Variants in PLCH1 observed in about 807,000 individuals in gnomAD.
The protein encoded by PLCH1 is 1-phosphatidylinositol 4,5-bisphosphate phosphodiesterase eta-1.
PLCH1 carries 60 observed loss-of-function variants against 126.7 expected under a neutral mutation model. The ratio of observed to expected loss-of-function variants is 0.47; its 90% CI spans 0.38 to 0.59. The LOEUF (loss-of-function observed/expected upper bound fraction) is 0.59. Among genes scored for constraint, PLCH1 ranks in the 20% least tolerant of loss-of-function variants. The pLI is 0.00. For missense variants in PLCH1, 1,723 were observed against 2,040.0 expected, an observed-to-expected ratio of 0.84 and a Z score of 2.99; for synonymous variants, 719 against 734.9, an observed-to-expected ratio of 0.98 and a Z score of 0.35.
At chr3:155,546,465 A>G (rs937543115) in intron 10 of PLCH1, among the ~76,000 whole-genome samples, 2 of 152,118 alleles carry the variant, frequency 1.3e-5, no homozygotes, top group Non-Finnish European at 2.9e-5. Context: ...CATACTGCCC[A>G]AGGTAATTTA....
At chr3:155,696,084 G>A (rs1577333418) in intron 2 of PLCH1, among the ~76,000 whole-genome samples, 1 of 152,122 alleles carries the variant, frequency 6.6e-6, no homozygotes, top group African/African-American at 2.4e-5. Flanking sequence ...ACACACTTTT[G>A]GAGTTAGCAT....
intron 2 of PLCH1, among the ~76,000 whole-genome samples, chr3:155,624,018 C>A (rs1300874532): frequency 6.6e-6 from 1 of 152,164 alleles, no homozygotes; most frequent in South Asian, 2.1e-4. Flanking sequence ...ACTGGCAAAC[C>A]GAATCCAACA....
intron 1 of PLCH1, among the ~76,000 whole-genome samples, chr3:155,736,368 T>C (rs1267670007): frequency 6.6e-6 from 1 of 152,212 alleles, no homozygotes; most frequent in Non-Finnish European, 1.5e-5. Context: ...TTTCTCTTTT[T>C]CCATTTAAGA....
chr3:155,541,957 C>T lies in PLCH1; in HGVS notation c.1362+7830G>A, dbSNP rs183608737. ...GGTCTACAGCTCCCAGCATGAGCAA[C>T]GCAGAAGACCGGTGATTTCTGCACT... On this transcript the variant is annotated intron_variant, in intron 10 of 22. Coordinates refer to ENST00000460012, the MANE Select transcript of PLCH1 (RefSeq NM_014996.4). Among the ~76,000 whole-genome samples the T allele has an allele frequency of 1.6e-3, 242 of 152,302 alleles. 1 individual carries two copies. Among genetic ancestry groups the T allele is most frequent in the African/African-American group, 5.5e-3 (229 of 41,564 alleles).
intron 2 of PLCH1, among the ~76,000 whole-genome samples, chr3:155,597,188 A>T (rs1733087905): frequency 6.6e-6 from 1 of 152,170 alleles, no homozygotes; most frequent in Middle Eastern, 3.2e-3. Flanking sequence ...ATGGCCTGCC[A>T]ATCACCCCAG....
Position 155,504,625 on chromosome 3 carries a change from C to G in PLCH1, c.1634G>C (p.Ser545Thr). 2 of 1,593,150 alleles carry G rather than the reference C, an allele frequency of 1.3e-6. No homozygotes were observed. Among genetic ancestry groups the G allele is most frequent in the Middle Eastern group, 1.7e-4 (1 of 5,964 alleles). The part of the protein sequence containing the change: ...HEGLNAHLKQ[S>T]PDVKESGKKS... Reference sequence around the variant, plus strand: ...CTTTCCACTTTCCTTTACATCTGGACTCTGAATAAATAAAGGCATAATATA... The same window carrying G: ...CTTTCCACTTTCCTTTACATCTGGAGTCTGAATAAATAAAGGCATAATATA... Residue 545 changes from serine (S) to threonine (T), a missense_variant and splice_region_variant, in exon 13 of 23, where the codon AGT becomes ACT. Coordinates refer to ENST00000460012, the MANE Select transcript of PLCH1 (RefSeq NM_014996.4).
chr3:155,518,210 T>C (rs1435948498), intron 11 of PLCH1, among the ~76,000 whole-genome samples: 3 of 152,338 alleles, frequency 2.0e-5, no homozygotes, highest in Non-Finnish European at 2.9e-5. Flanking sequence ...TGGGCCATGA[T>C]TGACTGCAGG....
At chr3:155,535,232 T>C (rs1723194267) in intron 10 of PLCH1, among the ~76,000 whole-genome samples, 1 of 152,170 alleles carries the variant, frequency 6.6e-6, no homozygotes, top group Admixed American at 6.5e-5. Context: ...GAGATGAACT[T>C]TGTAATAATT....
intron 2 of PLCH1, among the ~76,000 whole-genome samples, chr3:155,690,954 C>T (rs1745333894): frequency 1.3e-5 from 2 of 152,130 alleles, no homozygotes; most frequent in African/African-American, 2.4e-5. Flanking sequence ...CAACTCTTAG[C>T]CCTCACCCCT....
intron 1 of PLCH1, among the ~76,000 whole-genome samples, chr3:155,728,893 C>T (rs1010706404): frequency 1.3e-5 from 2 of 152,130 alleles, no homozygotes; most frequent in African/African-American, 4.8e-5. Flanking sequence ...GGAACTCTAG[C>T]CCAATGTTAA....
intron 21 of PLCH1, among the ~76,000 whole-genome samples, chr3:155,451,263 G>T (rs920560945): frequency 6.9e-6 from 1 of 145,006 alleles, no homozygotes; most frequent in Non-Finnish European, 1.5e-5. Flanking sequence ...ATAGGTAAGG[G>T]TGTGATGAAA....
At chr3:155,544,875 C>T (rs1239638997) in intron 10 of PLCH1, among the ~76,000 whole-genome samples, 34 of 151,134 alleles carry the variant, frequency 2.2e-4, no homozygotes, top group Non-Finnish European at 3.5e-4. Flanking sequence ...ATCTCTGGGA[C>T]ACATTCAAAG....
intron 2 of PLCH1, among the ~76,000 whole-genome samples, chr3:155,643,582 A>G (rs1265812131): frequency 2.0e-5 from 3 of 152,218 alleles, no homozygotes; most frequent in African/African-American, 7.2e-5. Flanking sequence ...TTAACTTTTC[A>G]GAGTGCCTTG....
At chr3:155,631,661 G>A (rs945972766) in intron 2 of PLCH1, among the ~76,000 whole-genome samples, 4 of 152,118 alleles carry the variant, frequency 2.6e-5, no homozygotes, top group Admixed American at 2.6e-4. Flanking sequence ...TCCTCCCACA[G>A]AACAAGAACA....
At chr3:155,690,979 C>T (rs1294701880) in intron 2 of PLCH1, among the ~76,000 whole-genome samples, 1 of 152,174 alleles carries the variant, frequency 6.6e-6, no homozygotes, top group Non-Finnish European at 1.5e-5. Flanking sequence ...CCTCAGCCCC[C>T]TCCCCACACT....
chr3:155,451,743 T>A (rs960900463), intron 21 of PLCH1, among the ~76,000 whole-genome samples: 1 of 152,190 alleles, frequency 6.6e-6, no homozygotes, highest in African/African-American at 2.4e-5. Flanking sequence ...TGAGAAAGAA[T>A]GTTTTCTCTC....
intron 2 of PLCH1, among the ~76,000 whole-genome samples, chr3:155,625,414 G>T (rs186564269): frequency 1.3e-5 from 2 of 152,088 alleles, no homozygotes; most frequent in South Asian, 2.1e-4. Flanking sequence ...AAACAAAAGA[G>T]CTTCTACACA....
intron 2 of PLCH1, among the ~76,000 whole-genome samples, chr3:155,621,325 T>C (rs73005063): frequency 0.017 from 2,659 of 152,212 alleles, 78 homozygotes; most frequent in African/African-American, 0.061. Flanking sequence ...GCAAAACGAC[T>C]GAAAATTCCA....
chr3:155,518,393 C>G (rs1720633734), intron 11 of PLCH1, among the ~76,000 whole-genome samples: 1 of 152,202 alleles, frequency 6.6e-6, no homozygotes, highest in Non-Finnish European at 1.5e-5. Context: ...ACCAAACACA[C>G]AGGCCTATGA....
Sources: allele counts gnomAD v4.1 joint callset (sites outside exome capture counted in the v4.1 genomes callset), GRCh38; gene constraint gnomAD v4.1.1; transcripts MANE v1.5; gene names NCBI Gene and HGNC (gene_info 2026-07-23, HGNC 2026-07-21).